Variants in KSR2 observed in about 807,000 individuals in gnomAD.
KSR2 encodes the protein kinase suppressor of ras 2.
KSR2 carries 25 observed loss-of-function variants against 107.8 expected under a neutral mutation model. The ratio of observed to expected loss-of-function variants is 0.23; its 90% CI spans 0.17 to 0.32. The LOEUF (loss-of-function observed/expected upper bound fraction) is 0.32, where lower values mean the gene tolerates loss of function less well. KSR2 is among the 10% of genes least tolerant of loss of function. The pLI, the probability that KSR2 is intolerant of heterozygous loss-of-function variation, is 1.00. For missense variants in KSR2, 887 were observed against 1,268.9 expected, an observed-to-expected ratio of 0.70 and a Z score of 4.57; for synonymous variants, 480 against 507.0, an observed-to-expected ratio of 0.95 and a Z score of 0.71.
intron 4 of KSR2, among the ~76,000 whole-genome samples, chr12:117,745,841 A>G (rs1034231808): frequency 1.3e-5 from 2 of 152,184 alleles, no homozygotes; most frequent in African/African-American, 4.8e-5. Flanking sequence ...ACTGCTATAA[A>G]GAGAATAAAA....
At chr12:117,777,085 AT>A (rs1279734824) in intron 3 of KSR2, among the ~76,000 whole-genome samples, 2 of 94,506 alleles carry the variant, frequency 2.1e-5, no homozygotes, top group Non-Finnish European at 3.7e-5. Context: ...TAATATATAT[AT>A]TTTATATATA....
At chr12:117,715,709 A>G (rs777951286) in intron 4 of KSR2, among the ~76,000 whole-genome samples, 4 of 152,236 alleles carry the variant, frequency 2.6e-5, no homozygotes, top group Non-Finnish European at 4.4e-5. Flanking sequence ...ATACGAAAAT[A>G]GCCACAGACA....
intron 6 of KSR2, among the ~76,000 whole-genome samples, chr12:117,580,100 G>A (rs1021037338): frequency 6.6e-6 from 1 of 152,138 alleles, no homozygotes; most frequent in Non-Finnish European, 1.5e-5. Context: ...AAGGGAAATC[G>A]GAAGTGGTTA....
rs767443447 is a variant in KSR2 at position 117,761,041 on chromosome 12, C to T, written c.956G>A (p.Gly319Glu). 1 of 1,613,750 alleles carries T rather than the reference C, an allele frequency of 6.2e-7. No individual in the cohort carries two copies. Among genetic ancestry groups the T allele is most frequent in the Non-Finnish European group, 8.5e-7 (1 of 1,179,750 alleles). ...HRSKSHEFQL[G>E]HRVDEAHTPK... ...CGTGTGGGCCTCGTCCACGCGGTGC[C>T]CCAGCTGGAACTCGTGGGATTTGCT... Residue 319 changes from glycine (G) to glutamate (E), a missense_variant, in exon 4 of 20, where the codon GGG (glycine) becomes GAG (glutamate). Coordinates refer to ENST00000339824, the MANE Select transcript of KSR2 (RefSeq NM_173598.6).
At chr12:117,870,264 A>G (rs939097133) in intron 1 of KSR2, among the ~76,000 whole-genome samples, 1 of 152,216 alleles carries the variant, frequency 6.6e-6, no homozygotes, top group African/African-American at 2.4e-5. Flanking sequence ...TCTGTAAAAC[A>G]GGTGTATTCC....
At chr12:117,920,999 T>C (rs563039588) in intron 1 of KSR2, among the ~76,000 whole-genome samples, 1 of 152,308 alleles carries the variant, frequency 6.6e-6, no homozygotes, top group East Asian at 1.9e-4. Context: ...ACTAGTATTT[T>C]ATCTTTGAGA....
At chr12:117,880,759 C>T (rs1427382233) in intron 1 of KSR2, among the ~76,000 whole-genome samples, 1 of 148,094 alleles carries the variant, frequency 6.8e-6, no homozygotes, top group Non-Finnish European at 1.5e-5. Flanking sequence ...CCTCCGCCTC[C>T]CAGGTTCAAG....
intron 5 of KSR2, among the ~76,000 whole-genome samples, chr12:117,585,072 G>A (rs1431193938): frequency 2.6e-5 from 4 of 152,084 alleles, no homozygotes; most frequent in Admixed American, 6.6e-5. Context: ...GTGTGTGTGC[G>A]TGTGTGTGTG....
intron 9 of KSR2, among the ~76,000 whole-genome samples, chr12:117,541,678 C>T (rs1172764369): frequency 6.6e-6 from 1 of 151,974 alleles, no homozygotes; most frequent in African/African-American, 2.4e-5. Flanking sequence ...GCTTATCTGC[C>T]AACTCCAAGA....
chr12:117,630,583 T>C (rs1882757646), intron 5 of KSR2, among the ~76,000 whole-genome samples: 1 of 152,078 alleles, frequency 6.6e-6, no homozygotes, highest in Admixed American at 6.6e-5. Context: ...GATCTCGTTG[T>C]CTGCAGAGTG....
At position 117,941,613 on chromosome 12, in the gene KSR2, C is replaced by CTTTT. The variant is rs139487553; in HGVS notation, c.180+26459_180+26462dup. Among the ~76,000 whole-genome samples the CTTTT allele has an allele frequency of 1.4e-3, 76 of 52,984 alleles. 2 individuals carry two copies. The highest frequency in any genetic ancestry group is 4.3e-3 in the East Asian group (6 of 1,400). 34.8% of individuals were successfully genotyped at this position (52,984 alleles called of 152,430 possible). On this transcript the variant is annotated intron_variant, in intron 1 of 19. Transcript: ENST00000339824. ...TGAAGCTATAAAATCACAGGCTTTC[C>CTTTT]TTTTTTTTTTTTTTTTTTTTTTTTT...
At chr12:117,593,994 T>C (rs1467288550) in intron 5 of KSR2, among the ~76,000 whole-genome samples, 4 of 152,246 alleles carry the variant, frequency 2.6e-5, no homozygotes, top group Admixed American at 2.6e-4. Context: ...CTGGGTGTGA[T>C]GGATGGGTCT....
intron 1 of KSR2, among the ~76,000 whole-genome samples, chr12:117,872,488 C>T (rs1893683450): frequency 6.6e-6 from 1 of 151,622 alleles, no homozygotes. Context: ...CCCTTGAGCC[C>T]AGGAGTTCCA....
chr12:117,635,020 C>T (rs1041946105), intron 5 of KSR2, among the ~76,000 whole-genome samples: 1 of 152,198 alleles, frequency 6.6e-6, no homozygotes, highest in African/African-American at 2.4e-5. Context: ...ATTGTGGAGG[C>T]TGCTGTTCCA....
At chr12:117,862,950 C>T (rs1407221023) in intron 1 of KSR2, among the ~76,000 whole-genome samples, 3 of 152,010 alleles carry the variant, frequency 2.0e-5, no homozygotes, top group Non-Finnish European at 4.4e-5. Flanking sequence ...AGGATGGTCT[C>T]GATCTCCTGA....
At chr12:117,822,720 T>C (rs1403150261) in intron 3 of KSR2, among the ~76,000 whole-genome samples, 3 of 152,218 alleles carry the variant, frequency 2.0e-5, no homozygotes, top group Non-Finnish European at 4.4e-5. Flanking sequence ...TTGTGTTAAA[T>C]GATTTGGCTC....
In KSR2 at chr12:117,455,156, C is replaced by G. The variant is rs776078388; in HGVS notation, c.*12043G>C. 2 of 152,302 alleles carry G rather than the reference C, an allele frequency of 1.3e-5. No individual in the cohort carries two copies. The highest frequency in any genetic ancestry group is 2.4e-5 in the African/African-American group (1 of 41,426). 9.4% of individuals were successfully genotyped at this position (152,302 alleles called of 1,614,324 possible). On this transcript the variant is annotated 3_prime_UTR_variant, in exon 20 of 20. Coordinates refer to ENST00000339824, the MANE Select transcript of KSR2 (RefSeq NM_173598.6). ...ACTCCAGCAAGCACAAAACTCTCCT[C>G]AGACATCTTCCCCCACAGGACACCA...
intron 3 of KSR2, among the ~76,000 whole-genome samples, chr12:117,821,968 C>T (rs58554127): frequency 1.3e-5 from 2 of 152,240 alleles, no homozygotes; most frequent in South Asian, 4.1e-4. Flanking sequence ...GCAAGAAATA[C>T]GGCTCATAAA....
intron 3 of KSR2, among the ~76,000 whole-genome samples, chr12:117,825,112 G>T (rs372647733): frequency 3.3e-5 from 5 of 152,070 alleles, no homozygotes; most frequent in African/African-American, 1.2e-4. Context: ...ACCCCAGGAG[G>T]TGGAGGCTGT....
Sources: gnomAD v4.1 joint callset for allele counts (sites outside exome capture counted in the v4.1 genomes callset) on GRCh38, gnomAD v4.1.1 for gene constraint, MANE v1.5 for transcripts, NCBI Gene and HGNC (gene_info 2026-07-23, HGNC 2026-07-21) for gene names.